The following UBXN7 variants were observed in gnomAD, a reference collection of about 807,000 sequenced individuals.
UBXN7 encodes the protein UBX domain protein 7.
UBXN7 carries 9 observed loss-of-function variants against 58.0 expected under a neutral mutation model. The observed-to-expected ratio is 0.16, with a 90% CI of 0.09 to 0.27. The LOEUF is 0.27. Ranked by LOEUF, UBXN7 falls within the 10% of genes least tolerant of loss-of-function variation. The pLI is 1.00. For synonymous variants in UBXN7, 208 were observed against 205.0 expected (o/e 1.01, Z -0.12); for missense variants, 328 against 599.6 (o/e 0.55, Z 4.73).
At position 196,376,147 on chromosome 3, in the gene UBXN7, T is replaced by C. The variant is rs1729011747; in HGVS notation, c.469-4105A>G. Among the ~76,000 whole-genome samples, 3 of 152,208 alleles carry C rather than the reference T, an allele frequency of 2.0e-5. 1 individual carries two copies. The highest frequency in any genetic ancestry group is 4.1e-4 in the South Asian group (2 of 4,834). On this transcript the variant is annotated intron_variant, in intron 5 of 10. Coordinates refer to ENST00000296328, the MANE Select transcript of UBXN7 (RefSeq NM_015562.2). ...TATACACAGTACTTTTTTATGGAAA[T>C]GGAAATTACAATTTTATTTTTCCTT...
chr3:196,406,876 C>T (rs1730179332), intron 2 of UBXN7, among the ~76,000 whole-genome samples: 1 of 152,152 alleles, frequency 6.6e-6, no homozygotes, highest in Non-Finnish European at 1.5e-5. Context: ...AATGGCTATG[C>T]CTCTGCTTCC....
At position 196,349,704 on chromosome 3, in the gene UBXN7, A is replaced by C. The variant is rs2108820811; in HGVS notation, c.*6981T>G. On this transcript the variant is annotated 3_prime_UTR_variant, in exon 11 of 11. Coordinates refer to ENST00000296328, the MANE Select transcript of UBXN7 (RefSeq NM_015562.2). ...CTCTCCCTTATCAGTTAAGAGTTCC[A>C]TACTGAGTCTATGAAAAAAGCAAAT... 6.6e-6 allele frequency: 1 copy of C among 152,342 alleles called. No homozygotes were observed. The highest frequency in any genetic ancestry group is 1.5e-5 in the Non-Finnish European group (1 of 68,030). 9.4% of individuals were successfully genotyped at this position (152,342 alleles called of 1,614,324 possible).
At chr3:196,402,358 A>G (rs760558537) in intron 3 of UBXN7, among the ~76,000 whole-genome samples, 5 of 152,196 alleles carry the variant, frequency 3.3e-5, no homozygotes, top group Non-Finnish European at 5.9e-5. Context: ...TATATACTAT[A>G]TACAGTTTTC....
At chr3:196,411,881 T>C (rs1730339345) in intron 1 of UBXN7, among the ~76,000 whole-genome samples, 1 of 151,948 alleles carries the variant, frequency 6.6e-6, no homozygotes, top group Admixed American at 6.6e-5. Context: ...AAGATATATA[T>C]TTAAGGTGCA....
At chr3:196,420,444 T>C (rs1050214165) in intron 1 of UBXN7, among the ~76,000 whole-genome samples, 1 of 151,180 alleles carries the variant, frequency 6.6e-6, no homozygotes, top group African/African-American at 2.4e-5. Flanking sequence ...GGCAGAAGAA[T>C]CGTTTGACCC....
rs1207003415 is a variant in UBXN7 at position 196,348,994 on chromosome 3, A to G, written c.*7691T>C. 2 of 152,130 alleles carry G rather than the reference A, an allele frequency of 1.3e-5. No homozygotes were observed. Among genetic ancestry groups the G allele is most frequent in the African/African-American group, 4.8e-5 (2 of 41,374 alleles). The allele number at this position is 152,130 out of a possible 1,614,324, so 9.4% of individuals were successfully genotyped here. ...AACACTGGATGTTTAGAATTTGTTA[A>G]CAACAACAACAACAAAAAACCATTC... On this transcript the variant is annotated 3_prime_UTR_variant, in exon 11 of 11. Coordinates refer to ENST00000296328, the MANE Select transcript of UBXN7 (RefSeq NM_015562.2).
chr3:196,417,745 A>C (rs1424313991), intron 1 of UBXN7, among the ~76,000 whole-genome samples: 9 of 149,334 alleles, frequency 6.0e-5, no homozygotes, highest in African/African-American at 2.0e-4. Context: ...AAAAAAAAAA[A>C]AAAAAAAAAA....
chr3:196,427,836 C>T (rs1213871964), intron 1 of UBXN7, among the ~76,000 whole-genome samples: 1 of 152,132 alleles, frequency 6.6e-6, no homozygotes, highest in Non-Finnish European at 1.5e-5. Flanking sequence ...ACACAGAAAG[C>T]ATCAGTGGGG....
At position 196,352,299 on chromosome 3, in the gene UBXN7, GT is replaced by G. The variant is rs1435739485; in HGVS notation, c.*4385del. 1 of 152,290 alleles carries G rather than the reference GT, an allele frequency of 6.6e-6. No homozygotes were observed. The highest frequency in any genetic ancestry group is 3.4e-3 in the Middle Eastern group (1 of 296). 9.4% of individuals were successfully genotyped at this position (152,290 alleles called of 1,614,324 possible). A position where few individuals can be genotyped will look rare whatever the true frequency, so the allele number is the denominator to read the frequency against. ...GTCTCGCTCCATTGCCCAGGATGGA[GT>G]GCAGTGGTGTGATCTCGGCTCACTG... On this transcript the variant is annotated 3_prime_UTR_variant, in exon 11 of 11. Transcript: ENST00000296328. This position sits in a 1 kb window ranked among gnomAD's most constrained non-coding sequence, Gnocchi z 4.1.
intron 1 of UBXN7, among the ~76,000 whole-genome samples, chr3:196,427,627 TTTTTAAAAA>T (rs1271571458): frequency 1.3e-5 from 2 of 152,084 alleles, no homozygotes; most frequent in Non-Finnish European, 2.9e-5. Context: ...CTTCAAAACA[TTTTTAAAAA>T]TTGCTCTTTC....
At chr3:196,407,423 TAAAAAAAA>T in intron 1 of UBXN7, 30 bp from the exon 2 acceptor site, 2 of 1,354,912 alleles carry the variant, frequency 1.5e-6, no homozygotes, top group Non-Finnish European at 1.9e-6. Context: ...GGAAAAACGT[TAAAAAAAA>T]AAAAAAAAAA....
chr3:196,410,845 G>A (rs536870084), intron 1 of UBXN7, among the ~76,000 whole-genome samples: 11 of 151,944 alleles, frequency 7.2e-5, no homozygotes, highest in Admixed American at 2.6e-4. Flanking sequence ...ATCCCTTAAT[G>A]GCTTTCTTCT....
At position 196,347,994 on chromosome 3, in the gene UBXN7, C is replaced by G. The variant is rs1369380788; in HGVS notation, c.*8691G>C. On this transcript the variant is annotated 3_prime_UTR_variant, in exon 11 of 11. Transcript: ENST00000296328. ...AGATCCTCCTTCTGGAAATTATTAC[C>G]TATAGACTAGGTAGATCTATAGGTA... 6.6e-6 allele frequency: 1 copy of G among 152,120 alleles called. No homozygotes were observed. The highest frequency in any genetic ancestry group is 1.5e-5 in the Non-Finnish European group (1 of 68,016). 9.4% of individuals were successfully genotyped at this position (152,120 alleles called of 1,614,324 possible).
intron 3 of UBXN7, among the ~76,000 whole-genome samples, chr3:196,395,180 G>A (rs1277520869): frequency 1.3e-5 from 2 of 152,194 alleles, no homozygotes; most frequent in Non-Finnish European, 2.9e-5. Context: ...ATTAGACAGA[G>A]ACTACAGAAT....
intron 5 of UBXN7, 21 bp from the exon 6 acceptor site, chr3:196,372,063 A>T: frequency 6.4e-7 from 1 of 1,567,736 alleles, no homozygotes; most frequent in South Asian, 1.2e-5. Context: ...AAAGTTACAC[A>T]TTTGTTAGAA....
At chr3:196,391,977 T>TC in intron 4 of UBXN7, 52 bp from the exon 5 acceptor site, 6 of 318,034 alleles carry the variant, frequency 1.9e-5, no homozygotes, top group South Asian at 7.6e-5. Context: ...TGAATCACAC[T>TC]GAAAAAAAAA....
chr3:196,414,723 T>C (rs1411346839), intron 1 of UBXN7: 1 of 152,212 alleles, frequency 6.6e-6, no homozygotes, highest in East Asian at 1.9e-4. Flanking sequence ...CATTGAGTCA[T>C]AATCTTTACC....
chr3:196,391,966 A>G (rs757510712), intron 4 of UBXN7, 41 bp from the exon 5 acceptor site: 1 of 898,548 alleles, frequency 1.1e-6, no homozygotes, highest in Admixed American at 2.8e-5. Flanking sequence ...AGCCATAATC[A>G]TGAATCACAC....
At chr3:196,386,192 C>A (rs190639381) in intron 5 of UBXN7, among the ~76,000 whole-genome samples, 2 of 151,518 alleles carry the variant, frequency 1.3e-5, no homozygotes, top group African/African-American at 4.8e-5. Context: ...ACTCGTTAAG[C>A]GTCATCACCA....
Sources: allele counts gnomAD v4.1 joint callset (sites outside exome capture counted in the v4.1 genomes callset), GRCh38; gene constraint gnomAD v4.1.1; non-coding constraint Gnocchi (gnomAD v3.1); transcripts MANE v1.5; gene names NCBI Gene and HGNC (gene_info 2026-07-23, HGNC 2026-07-21).